The following PSD3 variants were observed in gnomAD, a reference collection of about 807,000 sequenced individuals.
The protein encoded by PSD3 is PH and SEC7 domain-containing protein 3.
In PSD3, 49 loss-of-function variants were observed where a neutral mutation model predicts 105.5. The ratio of observed to expected loss-of-function variants is 0.46; its 90% CI spans 0.37 to 0.59. The LOEUF is 0.59. Among genes scored for constraint, PSD3 ranks in the 20% least tolerant of loss-of-function variants. The pLI is 0.00. For synonymous variants in PSD3, 557 were observed against 457.8 expected (o/e 1.22, Z -2.77); for missense variants, 1,561 against 1,263.8 (o/e 1.24, Z -3.57).
At chr8:18,922,606 C>G (rs563075711) in intron 2 of PSD3, among the ~76,000 whole-genome samples, 3 of 152,106 alleles carry the variant, frequency 2.0e-5, no homozygotes, top group Non-Finnish European at 2.9e-5. Flanking sequence ...CTATCTAACT[C>G]GAGACAGTAT....
intron 2 of PSD3, among the ~76,000 whole-genome samples, chr8:18,882,813 T>G (rs907096816): frequency 6.6e-6 from 1 of 151,402 alleles, no homozygotes; most frequent in Non-Finnish European, 1.5e-5. Flanking sequence ...TATGGATATA[T>G]ATATACATAT....
At chr8:18,552,953 T>G (rs895314221) in intron 15 of PSD3, among the ~76,000 whole-genome samples, 1 of 152,198 alleles carries the variant, frequency 6.6e-6, no homozygotes, top group African/African-American at 2.4e-5. Flanking sequence ...TGTAAATTTT[T>G]TTTTAAACCC....
chr8:18,850,687 A>G (rs942573003), intron 4 of PSD3, among the ~76,000 whole-genome samples: 2 of 152,072 alleles, frequency 1.3e-5, no homozygotes, highest in African/African-American at 4.8e-5. Context: ...GATAGTCACT[A>G]TCTCTCCTCC....
At chr8:19,070,477 A>G (rs776356319) in intron 1 of PSD3, among the ~76,000 whole-genome samples, 1 of 152,040 alleles carries the variant, frequency 6.6e-6, no homozygotes. Flanking sequence ...GGAGTTCAAG[A>G]CCAGCTTGAC....
intron 9 of PSD3, among the ~76,000 whole-genome samples, chr8:18,755,567 A>C (rs1007767694): frequency 2.0e-5 from 3 of 152,178 alleles, no homozygotes. Context: ...TCATGATCAA[A>C]TTGAAAATAA....
At chr8:18,600,460 T>C in intron 11 of PSD3, 26 bp from the exon 12 acceptor site, 1 of 1,533,284 alleles carries the variant, frequency 6.5e-7, no homozygotes, top group Non-Finnish European at 8.9e-7. Flanking sequence ...AAATGTAAAA[T>C]TTTATTTGAC....
At chr8:18,719,598 T>G (rs1325881460) in intron 9 of PSD3, among the ~76,000 whole-genome samples, 1 of 152,210 alleles carries the variant, frequency 6.6e-6, no homozygotes, top group Admixed American at 6.5e-5. Flanking sequence ...CTCGTTTAGC[T>G]GAGCCCCTTG....
At chr8:18,961,750 G>A (rs11780707) in intron 1 of PSD3, among the ~76,000 whole-genome samples, 61,738 of 151,886 alleles carry the variant, frequency 0.41, 12,786 homozygotes, top group African/African-American at 0.44. Flanking sequence ...AGGTATTTAA[G>A]ATTACCATAA....
chr8:18,913,908 C>T (rs1820408049), intron 2 of PSD3, among the ~76,000 whole-genome samples: 2 of 151,884 alleles, frequency 1.3e-5, no homozygotes, highest in South Asian at 2.1e-4. Context: ...AAGCCCATCT[C>T]AGCACCAGGC....
At chr8:18,897,770 C>T (rs1314609079) in intron 2 of PSD3, among the ~76,000 whole-genome samples, 1 of 152,020 alleles carries the variant, frequency 6.6e-6, no homozygotes, top group Admixed American at 6.6e-5. Context: ...AGCTACTGTA[C>T]CTGCAATTGC....
rs74498791 is a variant in PSD3, at chr8:18,996,567, C to T, written c.21+16996G>A. Among the ~76,000 whole-genome samples, 1,249 of 151,946 alleles carry T rather than the reference C, an allele frequency of 8.2e-3. 27 individuals carry two copies. The highest frequency in any genetic ancestry group is 0.029 in the African/African-American group (1,192 of 41,398). ...AGATGATTTGGGCTGTTTTAAATTA[C>T]ACCAAAGGTCCTTTGGGAATTATGC... On this transcript the variant is annotated intron_variant, in intron 1 of 15. Transcript: ENST00000327040.
chr8:18,984,008 AT>A (rs1164028162), intron 1 of PSD3, among the ~76,000 whole-genome samples: 4 of 123,952 alleles, frequency 3.2e-5, no homozygotes, highest in South Asian at 5.2e-4. Context: ...CTATCTCATT[AT>A]TTAAAAAAAA....
chr8:18,623,771 G>C (rs1806292589), intron 11 of PSD3, among the ~76,000 whole-genome samples: 1 of 152,050 alleles, frequency 6.6e-6, no homozygotes, highest in African/African-American at 2.4e-5. Flanking sequence ...AAACCACTGG[G>C]TACTTGTCAG....
intron 12 of PSD3, among the ~76,000 whole-genome samples, chr8:18,596,645 T>C (rs1257248806): frequency 2.0e-5 from 3 of 152,186 alleles, no homozygotes; most frequent in Non-Finnish European, 2.9e-5. Flanking sequence ...ACAGGAGGTA[T>C]TGCAATTGAT....
chr8:18,570,651 A>T (rs972669663), intron 14 of PSD3, among the ~76,000 whole-genome samples: 1 of 147,822 alleles, frequency 6.8e-6, no homozygotes, highest in East Asian at 2.0e-4. Context: ...CCCCATCAAA[A>T]AGTGGGCGAA....
chr8:18,768,194 A>T (rs1421424820), intron 8 of PSD3, among the ~76,000 whole-genome samples: 1 of 151,566 alleles, frequency 6.6e-6, no homozygotes, highest in Non-Finnish European at 1.5e-5. Context: ...GCTGAGGCAG[A>T]AGAATCACTT....
intron 11 of PSD3, among the ~76,000 whole-genome samples, chr8:18,605,790 G>C (rs1483504152): frequency 6.6e-6 from 1 of 152,154 alleles, no homozygotes; most frequent in East Asian, 1.9e-4. Context: ...GATAGTGAAT[G>C]AGTGCTCATG....
chr8:19,020,390 A>C (rs536177691), intron 1 of PSD3, among the ~76,000 whole-genome samples: 1 of 152,198 alleles, frequency 6.6e-6, no homozygotes, highest in South Asian at 2.1e-4. Flanking sequence ...AAGCCATGCA[A>C]ATATGTAACT....
intron 1 of PSD3, among the ~76,000 whole-genome samples, chr8:19,022,845 A>C (rs890517): frequency 2.6e-5 from 4 of 150,996 alleles, no homozygotes; most frequent in African/African-American, 9.8e-5. Flanking sequence ...CCAAGATTGT[A>C]GAACAAAGTC....
Sources: allele counts gnomAD v4.1 joint callset (sites outside exome capture counted in the v4.1 genomes callset), GRCh38; gene constraint gnomAD v4.1.1; transcripts MANE v1.5; gene names NCBI Gene and HGNC (gene_info 2026-07-23, HGNC 2026-07-21).